Variants in RNGTT observed in about 807,000 individuals in gnomAD.
RNGTT encodes the protein mRNA-capping enzyme.
A neutral mutation model predicts 79.3 loss-of-function variants in RNGTT; 33 were observed. The ratio of observed to expected loss-of-function variants is 0.42; its 90% CI spans 0.32 to 0.56. RNGTT has a LOEUF of 0.56. RNGTT is among the 20% of genes least tolerant of loss of function. The pLI is 0.17. For missense variants in RNGTT, 497 were observed against 739.1 expected, an observed-to-expected ratio of 0.67 and a Z score of 3.80; for synonymous variants, 222 against 235.9, an observed-to-expected ratio of 0.94 and a Z score of 0.54.
intron 11 of RNGTT, among the ~76,000 whole-genome samples, chr6:88,843,813 C>T (rs1192653838): frequency 6.6e-6 from 1 of 151,178 alleles, no homozygotes; most frequent in Non-Finnish European, 1.5e-5. Flanking sequence ...GCCTTGGCCT[C>T]CCAAAGTGCT....
intron 11 of RNGTT, among the ~76,000 whole-genome samples, chr6:88,813,722 A>G (rs1171392313): frequency 6.6e-6 from 1 of 152,114 alleles, no homozygotes; most frequent in Non-Finnish European, 1.5e-5. Flanking sequence ...GCTATTCTAA[A>G]CTAGAGTGTC....
chr6:88,758,843 A>T (rs1383594382), intron 13 of RNGTT, among the ~76,000 whole-genome samples: 1 of 149,362 alleles, frequency 6.7e-6, no homozygotes, highest in Non-Finnish European at 1.5e-5. Flanking sequence ...GCATCCATTG[A>T]TTATTCTTTT....
At chr6:88,863,063 C>T (rs1373565531) in intron 8 of RNGTT, among the ~76,000 whole-genome samples, 2 of 152,180 alleles carry the variant, frequency 1.3e-5, no homozygotes, top group Non-Finnish European at 2.9e-5. Context: ...TTTAAGCCCA[C>T]AGCTCCCTTC....
At chr6:88,826,884 A>G (rs923397504) in intron 11 of RNGTT, among the ~76,000 whole-genome samples, 7 of 147,872 alleles carry the variant, frequency 4.7e-5, no homozygotes, top group African/African-American at 1.7e-4. Flanking sequence ...TACTATAAAA[A>G]TTACTTTAAA....
intron 6 of RNGTT, among the ~76,000 whole-genome samples, chr6:88,901,316 C>T (rs77469945): frequency 0.011 from 1,707 of 151,766 alleles, 15 homozygotes; most frequent in Admixed American, 0.019. Context: ...ACATACACCA[C>T]GCAGGATAAA....
intron 4 of RNGTT, among the ~76,000 whole-genome samples, chr6:88,914,752 T>C (rs547193471): frequency 2.2e-4 from 34 of 151,430 alleles, no homozygotes; most frequent in African/African-American, 7.2e-4. Context: ...GTCTAAGTCC[T>C]CAAAAACAAA....
At chr6:88,933,697 G>C (rs971432373) in intron 2 of RNGTT, among the ~76,000 whole-genome samples, 2 of 152,096 alleles carry the variant, frequency 1.3e-5, no homozygotes. Context: ...GCTTATTTTG[G>C]TTAACATAAT....
chr6:88,614,198 G>A (rs759940607), intron 15 of RNGTT, 74 bp downstream of exon 15: 15 of 1,441,990 alleles, frequency 1.0e-5, no homozygotes, highest in Non-Finnish European at 1.4e-5. Flanking sequence ...AAACAACAAA[G>A]GCAGCACACT....
At chr6:88,722,533 A>AT in intron 13 of RNGTT, among the ~76,000 whole-genome samples, 1 of 152,218 alleles carries the variant, frequency 6.6e-6, no homozygotes, top group East Asian at 1.9e-4. Flanking sequence ...TGGAGTCATA[A>AT]TAAATGGTAA....
intron 15 of RNGTT, among the ~76,000 whole-genome samples, chr6:88,613,138 C>A (rs138195141): frequency 6.6e-6 from 1 of 152,196 alleles, no homozygotes; most frequent in Non-Finnish European, 1.5e-5. Context: ...GTCTTCCCCA[C>A]GGTTTTCTAT....
rs35990941 is a variant in RNGTT at position 88,772,178 on chromosome 6, CA to C, written c.1339-2305del. On this transcript the variant is annotated intron_variant, in intron 12 of 15. Coordinates refer to ENST00000369485, the MANE Select transcript of RNGTT (RefSeq NM_003800.5). ...TGAGCAACAGAGTGAAACTCTGTCT[CA>C]AAAAAAAAAAATGTGCAATAGCATC... Among the ~76,000 whole-genome samples the C allele has an allele frequency of 5.0e-3, 620 of 122,876 alleles. 3 individuals are homozygous for C. The highest frequency in any genetic ancestry group is 0.015 in the Middle Eastern group (3 of 202). 80.6% of individuals were successfully genotyped at this position (122,876 alleles called of 152,430 possible).
At chr6:88,726,448 A>G (rs1479726779) in intron 13 of RNGTT, among the ~76,000 whole-genome samples, 2 of 150,044 alleles carry the variant, frequency 1.3e-5, no homozygotes, top group Non-Finnish European at 3.0e-5. Flanking sequence ...TTAAAGTATA[A>G]GGCTATTCCA....
chr6:88,848,402 G>C (rs967792689), intron 10 of RNGTT, among the ~76,000 whole-genome samples: 8 of 151,336 alleles, frequency 5.3e-5, no homozygotes, highest in African/African-American at 1.9e-4. Flanking sequence ...GTGCGCACAA[G>C]AAAAAAACAT....
intron 13 of RNGTT, among the ~76,000 whole-genome samples, chr6:88,685,002 G>A (rs754957585): frequency 3.9e-5 from 6 of 152,122 alleles, no homozygotes; most frequent in Non-Finnish European, 8.8e-5. Context: ...AGACACGGAA[G>A]AAATCTAAAT....
At chr6:88,904,589 A>G (rs1328230193) in intron 6 of RNGTT, 126 bp downstream of exon 6, 3 of 1,139,004 alleles carry the variant, frequency 2.6e-6, no homozygotes, top group South Asian at 2.0e-5. Flanking sequence ...TTTTTTAGAA[A>G]GGGCTAGGAT....
intron 13 of RNGTT, among the ~76,000 whole-genome samples, chr6:88,719,347 G>A (rs1776628304): frequency 1.3e-5 from 2 of 152,122 alleles, no homozygotes; most frequent in Non-Finnish European, 2.9e-5. Flanking sequence ...AACAAATGTG[G>A]ACTTTTTTAT....
chr6:88,678,442 T>C (rs1774965566), intron 13 of RNGTT, 23 bp from the exon 14 acceptor site: 7 of 1,372,286 alleles, frequency 5.1e-6, no homozygotes, highest in Non-Finnish European at 6.7e-6. Context: ...AAAAGCATTA[T>C]TTATAAAATA....
At chr6:88,785,736 G>A (rs934727932) in intron 12 of RNGTT, among the ~76,000 whole-genome samples, 13 of 152,066 alleles carry the variant, frequency 8.5e-5, no homozygotes, top group African/African-American at 2.4e-4. Context: ...ATTCTAATTT[G>A]TCATGTACTT....
intron 8 of RNGTT, among the ~76,000 whole-genome samples, chr6:88,883,820 CA>C (rs1782771442): frequency 6.6e-6 from 1 of 151,684 alleles, no homozygotes; most frequent in Non-Finnish European, 1.5e-5. Flanking sequence ...TTTTGTATGG[CA>C]AAAAAACATG....
Sources: allele counts gnomAD v4.1 joint callset (sites outside exome capture counted in the v4.1 genomes callset), GRCh38; gene constraint gnomAD v4.1.1; transcripts MANE v1.5; gene names NCBI Gene and HGNC (gene_info 2026-07-23, HGNC 2026-07-21).